BMP6: variants seen among roughly 807,000 people sequenced by gnomAD.
BMP6 encodes VG-1-R.
BMP6 carries 17 observed loss-of-function variants against 54.1 expected under a neutral mutation model. The observed-to-expected ratio is 0.31, with a 90% CI of 0.22 to 0.47. The LOEUF is 0.47. BMP6 is among the 20% of genes least tolerant of loss of function. BMP6 has a pLI of 1.00. For synonymous variants in BMP6, 328 were observed against 291.2 expected, an observed-to-expected ratio of 1.13 and a Z score of -1.28; for missense variants, 720 against 690.4, an observed-to-expected ratio of 1.04 and a Z score of -0.48.
intron 4 of BMP6, among the ~76,000 whole-genome samples, chr6:7,878,181 C>T (rs1474294291): frequency 2.0e-5 from 3 of 152,144 alleles, no homozygotes; most frequent in African/African-American, 2.4e-5. Context: ...GGCCTTTGCC[C>T]GTAGCATCCA....
chr6:7,819,626 A>G (rs541096255), intron 1 of BMP6, among the ~76,000 whole-genome samples: 30 of 152,340 alleles, frequency 2.0e-4, no homozygotes, highest in African/African-American at 7.2e-4. Flanking sequence ...ACATGAGCCC[A>G]ACCACAGGAA....
intron 1 of BMP6, among the ~76,000 whole-genome samples, chr6:7,808,066 A>G (rs574718640): frequency 8.8e-4 from 134 of 151,456 alleles, no homozygotes; most frequent in East Asian, 2.1e-3. Flanking sequence ...GACTACAGGC[A>G]CCCGCCACCA....
intron 4 of BMP6, among the ~76,000 whole-genome samples, chr6:7,872,854 C>G (rs1759552032): frequency 6.7e-6 from 1 of 149,546 alleles, no homozygotes; most frequent in Non-Finnish European, 1.5e-5. Context: ...GCTTTCTCGC[C>G]CAGGCTGGAG....
At chr6:7,780,080 T>C (rs187113351) in intron 1 of BMP6, among the ~76,000 whole-genome samples, 7 of 152,328 alleles carry the variant, frequency 4.6e-5, no homozygotes, top group African/African-American at 1.7e-4. Context: ...CACACTCATT[T>C]ATTTCCGTGC....
intron 2 of BMP6, 68 bp from the exon 3 acceptor site, chr6:7,861,383 G>A: frequency 6.3e-7 from 1 of 1,576,634 alleles, no homozygotes; most frequent in Non-Finnish European, 8.6e-7. Context: ...CTGACGCTGA[G>A]ACAGGAAAGA....
chr6:7,850,041 A>G (rs907274701), intron 2 of BMP6, among the ~76,000 whole-genome samples: 4 of 152,254 alleles, frequency 2.6e-5, no homozygotes, highest in African/African-American at 9.6e-5. Context: ...TTTGGTTTAT[A>G]TATTCATCGT....
intron 2 of BMP6, among the ~76,000 whole-genome samples, chr6:7,851,025 A>C (rs1023523499): frequency 1.3e-5 from 2 of 152,240 alleles, no homozygotes; most frequent in Admixed American, 1.3e-4. Context: ...TAATTCCTTC[A>C]GTTTTATAAT....
intron 1 of BMP6, among the ~76,000 whole-genome samples, chr6:7,797,012 T>G (rs1758200557): frequency 6.6e-6 from 1 of 152,236 alleles, no homozygotes; most frequent in Non-Finnish European, 1.5e-5. Context: ...TTTTTGTTTG[T>G]CAATTTAAAT....
chr6:7,800,549 A>G (rs1758254306), intron 1 of BMP6, among the ~76,000 whole-genome samples: 1 of 151,926 alleles, frequency 6.6e-6, no homozygotes, highest in Admixed American at 6.5e-5. Context: ...AGTCTAAACC[A>G]TGTCTGGGTG....
chr6:7,823,265 T>C (rs1217885748), intron 1 of BMP6, among the ~76,000 whole-genome samples: 1 of 152,196 alleles, frequency 6.6e-6, no homozygotes, highest in Non-Finnish European at 1.5e-5. Context: ...ACTTACAGAA[T>C]ATTGTACTGA....
At position 7,856,610 on chromosome 6, in the gene BMP6, T is replaced by TTTTTG. The variant is rs1561793022; in HGVS notation, c.858-4840_858-4836dup. ...TATCAAGAGCATTTTTTTTTTTTTT[T>TTTTTG]TTTTGAGACGGAGTCTCGCTCTGTC... is the stretch of plus-strand genomic sequence containing the variant. On this transcript the variant is annotated intron_variant, in intron 2 of 6. Coordinates refer to ENST00000283147, the MANE Select transcript of BMP6 (RefSeq NM_001718.6). Among the ~76,000 whole-genome samples, 15 of 122,202 alleles carry TTTTTG rather than the reference T, an allele frequency of 1.2e-4. 1 individual carries two copies. Among genetic ancestry groups the TTTTTG allele is most frequent in the African/African-American group, 3.9e-4 (12 of 30,686 alleles). 80.2% of individuals were successfully genotyped at this position (122,202 alleles called of 152,430 possible). A position where few individuals can be genotyped will look rare whatever the true frequency, so the allele number is the denominator to read the frequency against.
At chr6:7,879,491 G>A (rs781341359) in intron 5 of BMP6, among the ~76,000 whole-genome samples, 2 of 152,118 alleles carry the variant, frequency 1.3e-5, no homozygotes, top group African/African-American at 2.4e-5. Flanking sequence ...ATTGAGACAG[G>A]GTTGGAAAAA....
chr6:7,770,254 CA>C lies in BMP6; in HGVS notation c.664+42636del, dbSNP rs1325139026. ...CACATCCTGTTTTTAAGCGGTTGAA[CA>C]TACTTTCAAGTGAATTGATATCTAA... On this transcript the variant is annotated intron_variant, in intron 1 of 6. Coordinates refer to ENST00000283147, the MANE Select transcript of BMP6 (RefSeq NM_001718.6). Among the ~76,000 whole-genome samples the C allele has an allele frequency of 3.9e-5, 6 of 152,300 alleles. No individual in the cohort carries two copies. In the East Asian group the frequency reaches 1.2e-3, roughly 29 times the overall value.
chr6:7,809,165 A>G (rs963180617), intron 1 of BMP6, among the ~76,000 whole-genome samples: 2 of 137,696 alleles, frequency 1.5e-5, no homozygotes, highest in South Asian at 2.6e-4. Flanking sequence ...TGTAAAAGTG[A>G]TAACTTCCTT....
At chr6:7,872,417 G>A (rs1379645247) in intron 4 of BMP6, among the ~76,000 whole-genome samples, 1 of 152,150 alleles carries the variant, frequency 6.6e-6, no homozygotes, top group East Asian at 1.9e-4. Flanking sequence ...TTCTTTGCCA[G>A]CACTTAACAT....
At chr6:7,835,451 A>C (rs35841595) in intron 1 of BMP6, among the ~76,000 whole-genome samples, 10,752 of 152,214 alleles carry the variant, frequency 0.071, 650 homozygotes, top group African/African-American at 0.16. Flanking sequence ...TTCTTAGTCA[A>C]GTGGAGGATA....
intron 1 of BMP6, among the ~76,000 whole-genome samples, chr6:7,829,280 G>C (rs965944879): frequency 2.0e-5 from 3 of 151,792 alleles, no homozygotes; most frequent in African/African-American, 4.8e-5. Flanking sequence ...CTCTCTCTCT[G>C]TCTTTCCTTC....
At chr6:7,734,980 G>C (rs1761930458) in intron 1 of BMP6, among the ~76,000 whole-genome samples, 1 of 152,208 alleles carries the variant, frequency 6.6e-6, no homozygotes, top group South Asian at 2.1e-4. Context: ...GGTCAGGATT[G>C]TCCTAGGCCT....
chr6:7,728,163 C>T (rs911919078), intron 1 of BMP6, among the ~76,000 whole-genome samples: 2 of 152,008 alleles, frequency 1.3e-5, no homozygotes, highest in South Asian at 4.1e-4. Flanking sequence ...ATCCACGGCA[C>T]TAGGGGAGGT....
Sources: gnomAD v4.1 joint callset for allele counts (sites outside exome capture counted in the v4.1 genomes callset) on GRCh38, gnomAD v4.1.1 for gene constraint, MANE v1.5 for transcripts, NCBI Gene and HGNC (gene_info 2026-07-23, HGNC 2026-07-21) for gene names.